PIGU: variants seen among roughly 807,000 people sequenced by gnomAD.
The protein encoded by PIGU is phosphatidylinositol glycan anchor biosynthesis class U.
PIGU carries 24 observed loss-of-function variants against 49.9 expected under a neutral mutation model. The observed-to-expected ratio is 0.48, with a 90% CI of 0.35 to 0.68. PIGU has a LOEUF of 0.68. Among genes scored for constraint, PIGU ranks in the 30% least tolerant of loss-of-function variants. The pLI is 0.01. For missense variants in PIGU, 490 were observed against 532.6 expected, an observed-to-expected ratio of 0.92 and a Z score of 0.79; for synonymous variants, 220 against 205.7, an observed-to-expected ratio of 1.07 and a Z score of -0.59.
chr20:34,619,806 C>A (rs1350758310), intron 6 of PIGU, among the ~76,000 whole-genome samples: 4 of 152,196 alleles, frequency 2.6e-5, no homozygotes, highest in Admixed American at 2.6e-4. Context: ...AAGCAGTCTT[C>A]CTTCCATAGA....
At chr20:34,675,268 AAGAGAGAG>A (rs34356144) in intron 1 of PIGU, among the ~76,000 whole-genome samples, 1 of 130,382 alleles carries the variant, frequency 7.7e-6, no homozygotes, top group Non-Finnish European at 1.6e-5. Flanking sequence ...AAAAAAAAAA[AAGAGAGAG>A]AGAGAAAATG....
rs924334919 is a variant in PIGU, at chr20:34,654,687, A to G, written c.195+2493T>C. Among the ~76,000 whole-genome samples the G allele has an allele frequency of 5.0e-5, 6 of 120,616 alleles. 1 individual carries two copies. The highest frequency in any genetic ancestry group is 7.1e-5 in the Non-Finnish European group (4 of 56,502). 79.1% of individuals were successfully genotyped at this position (120,616 alleles called of 152,430 possible). A position where few individuals can be genotyped will look rare whatever the true frequency, so the allele number is the denominator to read the frequency against. ...AACAAACAAAAAAAAACTGTTCTCA[A>G]AGTACATATGAGAGAGATAACTATA... On this transcript the variant is annotated intron_variant, in intron 2 of 11. Transcript: ENST00000217446.
chr20:34,631,309 T>C (rs1042956785), intron 6 of PIGU, among the ~76,000 whole-genome samples: 3 of 151,778 alleles, frequency 2.0e-5, no homozygotes, highest in African/African-American at 4.8e-5. Context: ...AAATAAAATA[T>C]GCATAACTTA....
intron 4 of PIGU, 54 bp from the exon 5 acceptor site, chr20:34,638,039 A>C: frequency 6.5e-7 from 1 of 1,538,612 alleles, no homozygotes; most frequent in Non-Finnish European, 8.7e-7. Flanking sequence ...TTCACTTCCC[A>C]TTGTTTTTAT....
rs1472545093 is a variant in PIGU, at chr20:34,637,950, C to T, written c.354G>A (p.Gln118=). ...KKQKLLLELD[Q]YAPDVAELIR... ...TGAGTTCGGCCACATCTGGGGCATA[C>T]TGGTCCAGTTCTAGGAGGAGTTTCT... The change falls in exon 5 of 12, where the codon CAG becomes CAA. Residue 118 remains glutamine, a synonymous_variant. Transcript: ENST00000217446. The T allele has an allele frequency of 6.3e-7, 1 of 1,598,220 alleles. No individual in the cohort carries two copies. The highest frequency in any genetic ancestry group is 8.5e-7 in the Non-Finnish European group (1 of 1,174,696).
At chr20:34,605,600 G>A (rs1482499177) in intron 7 of PIGU, among the ~76,000 whole-genome samples, 1 of 152,098 alleles carries the variant, frequency 6.6e-6, no homozygotes. Context: ...TTTGCAGTAG[G>A]TACTATTATA....
At chr20:34,562,072 G>T (rs1382936931) in intron 11 of PIGU, among the ~76,000 whole-genome samples, 1 of 152,164 alleles carries the variant, frequency 6.6e-6, no homozygotes. Flanking sequence ...GAATCAAAGG[G>T]AGCCTAGAAG....
chr20:34,574,597 G>A (rs890640893), intron 11 of PIGU, among the ~76,000 whole-genome samples: 1 of 152,010 alleles, frequency 6.6e-6, no homozygotes, highest in Non-Finnish European at 1.5e-5. Flanking sequence ...CAGCCAGACC[G>A]GCCCCCTTCT....
In PIGU at chr20:34,588,733, T is replaced by C. The variant is rs570432895; in HGVS notation, c.628-126A>G. On this transcript the variant is annotated intron_variant, in intron 7 of 11. Coordinates refer to ENST00000217446, the MANE Select transcript of PIGU (RefSeq NM_080476.5). Reference sequence around the variant, plus strand: ...ACACAGGTTTATAATTTTGCTTTGGTCTTTAATTAACTAAGAAGGATGTAA... The same window carrying C: ...ACACAGGTTTATAATTTTGCTTTGGCCTTTAATTAACTAAGAAGGATGTAA... 3 of 907,112 alleles carry C rather than the reference T, an allele frequency of 3.3e-6. No homozygotes were observed. The African/African-American group carries it at 5.1e-5, about 15-fold the overall frequency. The allele number at this position is 907,112 out of a possible 1,614,324, so 56.2% of individuals were successfully genotyped here.
At chr20:34,643,800 C>CA (rs749414414) in intron 4 of PIGU, 5,137 of 43,328 alleles carry the variant, frequency 0.12, 244 homozygotes, top group East Asian at 0.15. Context: ...TCTTCCTATG[C>CA]AAAAAAAAAA....
At position 34,670,091 on chromosome 20, in the gene PIGU, G is replaced by A. The variant is rs533539656; in HGVS notation, c.130+6865C>T. On this transcript the variant is annotated intron_variant, in intron 1 of 11. Coordinates refer to ENST00000217446, the MANE Select transcript of PIGU (RefSeq NM_080476.5). ...AGTGAGTGGCAAAGTTCTGATTCTTGACTTGGATGACAGTTACAAAAATGT... is the reference window on the plus strand; with the variant it reads ...AGTGAGTGGCAAAGTTCTGATTCTTAACTTGGATGACAGTTACAAAAATGT... 3.9e-5 allele frequency among the ~76,000 whole-genome samples: 6 copies of A among 152,204 alleles called. No homozygotes were observed. In the East Asian group the frequency reaches 1.2e-3, roughly 29 times the overall value.
intron 1 of PIGU, among the ~76,000 whole-genome samples, chr20:34,666,681 CTAAT>C (rs1156466191): frequency 7.3e-6 from 1 of 137,656 alleles, no homozygotes; most frequent in African/African-American, 2.7e-5. Flanking sequence ...CTGCACCTGA[CTAAT>C]TCTTTTTTTT....
chr20:34,660,379 G>A (rs1021097025), intron 1 of PIGU, among the ~76,000 whole-genome samples: 12 of 152,324 alleles, frequency 7.9e-5, no homozygotes, highest in Admixed American at 2.0e-4. Flanking sequence ...GAGGTCAGGC[G>A]TTCAAGACCA....
At chr20:34,659,366 C>T (rs1162088624) in intron 1 of PIGU, among the ~76,000 whole-genome samples, 109 of 115,582 alleles carry the variant, frequency 9.4e-4, no homozygotes, top group Middle Eastern at 4.6e-3. Flanking sequence ...TCTGCCCGGC[C>T]GCCCCTACTG....
intron 2 of PIGU, among the ~76,000 whole-genome samples, chr20:34,650,697 TC>T (rs1986506904): frequency 8.3e-6 from 1 of 120,300 alleles, no homozygotes; most frequent in Non-Finnish European, 1.7e-5. Flanking sequence ...TTTCTTTTTT[TC>T]TCTTTTTTTT....
intron 7 of PIGU, among the ~76,000 whole-genome samples, chr20:34,601,409 G>C (rs957672864): frequency 5.9e-5 from 9 of 152,096 alleles, no homozygotes; most frequent in African/African-American, 1.9e-4. Flanking sequence ...GTTACACAGT[G>C]AGGCACATCT....
In PIGU at chr20:34,585,988, C is replaced by T. The variant is rs911386107; in HGVS notation, c.783-408G>A. ...GAGGACCACGCTCAAAGATCCTGCT[C>T]CTCCCCATTCTTACTCCACACCCCA... On this transcript the variant is annotated intron_variant, in intron 8 of 11. Coordinates refer to ENST00000217446, the MANE Select transcript of PIGU (RefSeq NM_080476.5). Among the ~76,000 whole-genome samples the T allele has an allele frequency of 1.4e-4, 21 of 152,246 alleles. No individual in the cohort carries two copies. In the East Asian group the frequency reaches 4.1e-3, roughly 29 times the overall value.
At chr20:34,609,140 A>C (rs1984722598) in intron 7 of PIGU, among the ~76,000 whole-genome samples, 1 of 151,820 alleles carries the variant, frequency 6.6e-6, no homozygotes. Context: ...AACCAACCAA[A>C]CAAACAAAAA....
intron 10 of PIGU, among the ~76,000 whole-genome samples, chr20:34,578,211 C>G (rs2032179834): frequency 6.6e-6 from 1 of 152,158 alleles, no homozygotes; most frequent in African/African-American, 2.4e-5. Flanking sequence ...ATCCTCTTTT[C>G]TAATCTGAAG....
Sources: allele counts gnomAD v4.1 joint callset (sites outside exome capture counted in the v4.1 genomes callset), GRCh38; gene constraint gnomAD v4.1.1; transcripts MANE v1.5; gene names NCBI Gene and HGNC (gene_info 2026-07-23, HGNC 2026-07-21).